The following SRP19 variants were observed in gnomAD, a reference collection of about 807,000 sequenced individuals.
The protein encoded by SRP19 is signal recognition particle 19 kDa protein.
In SRP19, 11 loss-of-function variants were observed where a neutral mutation model predicts 22.4. The observed-to-expected ratio is 0.49, with a 90% CI of 0.31 to 0.81. The LOEUF is 0.81. Ranked by LOEUF, SRP19 falls within the 40% of genes least tolerant of loss-of-function variation. The pLI is 0.05. For missense variants in SRP19, 168 were observed against 175.9 expected (o/e 0.96, Z 0.25); for synonymous variants, 61 against 57.6 (o/e 1.06, Z -0.27).
rs1033318760 is a variant in SRP19 at position 112,867,798 on chromosome 5, G to A, written c.*261G>A. 2.6e-6 allele frequency: 3 copies of A among 1,161,920 alleles called. No homozygotes were observed. The highest frequency in any genetic ancestry group is 3.2e-5 in the African/African-American group (2 of 63,468). The allele number at this position is 1,161,920 out of a possible 1,614,324, so 72.0% of individuals were successfully genotyped here. A position where few individuals can be genotyped will look rare whatever the true frequency, so the allele number is the denominator to read the frequency against. On this transcript the variant is annotated 3_prime_UTR_variant, in exon 5 of 5. Transcript: ENST00000505459. ...AAGAAAATATTTTTAAATGGACAAT[G>A]GACTGTACAATAAGTTACTTGAAAT...
intron 2 of SRP19, among the ~76,000 whole-genome samples, chr5:112,863,485 C>T (rs1767481753): frequency 6.6e-6 from 1 of 152,112 alleles, no homozygotes; most frequent in Non-Finnish European, 1.5e-5. Context: ...GGTCAGCCCC[C>T]TCCAGCCCCC....
intron 4 of SRP19, chr5:112,882,067 G>A (rs1359894020): frequency 6.5e-6 from 1 of 153,548 alleles, no homozygotes; most frequent in African/African-American, 2.4e-5. Context: ...CACTGCACCT[G>A]ACCTACTACT....
At chr5:112,879,840 A>G (rs2150033024) in intron 4 of SRP19, among the ~76,000 whole-genome samples, 1 of 152,090 alleles carries the variant, frequency 6.6e-6, no homozygotes, top group Non-Finnish European at 1.5e-5. Context: ...GCACTTTGGG[A>G]GGCTGAGGTG....
At chr5:112,886,379 G>C (rs1478036789) in intron 4 of SRP19, among the ~76,000 whole-genome samples, 2 of 152,166 alleles carry the variant, frequency 1.3e-5, no homozygotes, top group Non-Finnish European at 2.9e-5. Flanking sequence ...TTATGTGAGG[G>C]TGATTAGACA....
chr5:112,890,907 T>A (rs546316436), intron 4 of SRP19, among the ~76,000 whole-genome samples: 1 of 150,622 alleles, frequency 6.6e-6, no homozygotes, highest in Non-Finnish European at 1.5e-5. Context: ...TTTACCCCTA[T>A]AATTTTGTAA....
chr5:112,868,728 A>C lies in SRP19; in HGVS notation c.*1191A>C, dbSNP rs990013398. ...TTTACATTTTTATTGCTCACAGTCA[A>C]ACATTCCTATTGATTGTAAAATAAG... On this transcript the variant is annotated 3_prime_UTR_variant, in exon 5 of 5. Transcript: ENST00000505459. 6.6e-6 allele frequency: 1 copy of C among 151,846 alleles called. No individual in the cohort carries two copies. The highest frequency in any genetic ancestry group is 2.4e-5 in the African/African-American group (1 of 41,372). 9.4% of individuals were successfully genotyped at this position (151,846 alleles called of 1,614,324 possible).
chr5:112,862,260 A>G (rs1169240724), intron 1 of SRP19: 1 of 552,544 alleles, frequency 1.8e-6, no homozygotes, highest in Non-Finnish European at 3.2e-6. Flanking sequence ...TGCCAGTCTG[A>G]TTGGTTGAGG....
chr5:112,892,844 GAA>G (rs761085464), exon 5 of SRP19: 2 of 1,613,406 alleles, frequency 1.2e-6, no homozygotes, highest in Non-Finnish European at 1.7e-6. Context: ...GAATCCGAGA[GAA>G]AAAAGAGTAG....
intron 4 of SRP19, among the ~76,000 whole-genome samples, chr5:112,879,863 G>A (rs1212035274): frequency 6.6e-6 from 1 of 152,036 alleles, no homozygotes. Flanking sequence ...AAGATCGCTT[G>A]AAGCCAGGAA....
chr5:112,871,989 A>T (rs1767771560), downstream of SRP19, among the ~76,000 whole-genome samples: 1 of 152,236 alleles, frequency 6.6e-6, no homozygotes, highest in Admixed American at 6.5e-5. Flanking sequence ...TATCAGAATT[A>T]TATATAATTT....
intron 4 of SRP19, among the ~76,000 whole-genome samples, chr5:112,887,791 A>AT (rs1007441155): frequency 2.6e-5 from 4 of 151,488 alleles, no homozygotes; most frequent in South Asian, 2.1e-4. Flanking sequence ...TGCCATTGAG[A>AT]TTTTTTTTTA....
At chr5:112,896,685 C>G (rs562978926), downstream of SRP19, 1 of 152,030 alleles carries the variant, frequency 6.6e-6, no homozygotes, top group Non-Finnish European at 1.5e-5. Context: ...CCTGTAATTG[C>G]AGCACTTCGG....
chr5:112,884,888 T>G (rs1042655356), intron 4 of SRP19, among the ~76,000 whole-genome samples: 7 of 152,132 alleles, frequency 4.6e-5, no homozygotes, highest in Non-Finnish European at 1.0e-4. Flanking sequence ...GTAAGCTTCA[T>G]GAATTCAAGG....
intron 4 of SRP19, chr5:112,891,567 G>A (rs1580736870): frequency 1.3e-6 from 2 of 1,548,564 alleles, no homozygotes; most frequent in African/African-American, 2.7e-5. Context: ...ACTGACAGTG[G>A]CAGCTATGAA....
intron 2 of SRP19, among the ~76,000 whole-genome samples, chr5:112,863,995 T>C (rs940690067): frequency 6.6e-6 from 1 of 152,376 alleles, no homozygotes; most frequent in South Asian, 2.1e-4. Flanking sequence ...TTTGAGGCTA[T>C]TATAAATAGA....
chr5:112,862,200 A>C (rs114612677), intron 1 of SRP19, among the ~76,000 whole-genome samples: 1,667 of 152,308 alleles, frequency 0.011, 23 homozygotes, highest in Non-Finnish European at 0.013. Context: ...GCTGTTGGTT[A>C]CAGAATTTTC....
intron 4 of SRP19, among the ~76,000 whole-genome samples, chr5:112,884,789 ATCTT>A (rs1326753856): frequency 7.0e-6 from 1 of 143,860 alleles, no homozygotes; most frequent in Non-Finnish European, 1.5e-5. Context: ...GCCCCCCCCC[ATCTT>A]TCTACTTGCT....
downstream of SRP19, chr5:112,896,113 G>T (rs1484879430): frequency 2.0e-5 from 3 of 152,632 alleles, no homozygotes; most frequent in Admixed American, 1.3e-4. Context: ...AGCTTTTGCA[G>T]TGTAGCCACA....
chr5:112,869,676 A>T lies in SRP19; in HGVS notation c.*2139A>T, dbSNP rs553782111. The T allele has an allele frequency of 1.3e-5, 2 of 152,306 alleles. No individual in the cohort carries two copies. Among genetic ancestry groups the T allele is most frequent in the Admixed American group, 1.3e-4 (2 of 15,302 alleles). 9.4% of individuals were successfully genotyped at this position (152,306 alleles called of 1,614,324 possible). On this transcript the variant is annotated 3_prime_UTR_variant, in exon 5 of 5. Transcript: ENST00000505459. ...GGTGGGACCAGGTGGAGATAATTGG[A>T]TCATGGGGGCAATTTCCCCTGTGCT...
Sources: gnomAD v4.1 joint callset for allele counts (sites outside exome capture counted in the v4.1 genomes callset) on GRCh38, gnomAD v4.1.1 for gene constraint, MANE v1.5 for transcripts, NCBI Gene and HGNC (gene_info 2026-07-23, HGNC 2026-07-21) for gene names.